Variants in GLRA2 observed in about 807,000 individuals in gnomAD.
The protein encoded by GLRA2 is glycine receptor alpha 2.
A neutral mutation model predicts 31.6 loss-of-function variants in GLRA2; 11 were observed. The observed-to-expected ratio is 0.35, with a 90% CI of 0.22 to 0.58. GLRA2 has a LOEUF of 0.58. Among genes scored for constraint, GLRA2 ranks in the 20% least tolerant of loss-of-function variants. The probability of loss-of-function intolerance (pLI) is 0.84; values close to 1 mark genes in which losing one functional copy is unlikely to be tolerated. For missense variants in GLRA2, 212 were observed against 351.8 expected (o/e 0.60, Z 3.18); for synonymous variants, 132 against 134.0 (o/e 0.99, Z 0.10).
chrX:14,538,103 A>C (rs1296942122), intron 2 of GLRA2, among the ~76,000 whole-genome samples: 1 of 110,006 alleles, frequency 9.1e-6, no homozygotes, highest in Non-Finnish European at 1.9e-5. Context: ...ACCCTGGTAA[A>C]GCATATTGCA....
At chrX:14,469,089 C>G in the GLRA2 span, among the ~76,000 whole-genome samples, 1 of 111,328 alleles carries the variant, frequency 9.0e-6, no homozygotes, top group African/African-American at 3.3e-5. Flanking sequence ...GAGTAGGTTG[C>G]GAAGATTTTC....
intron 4 of GLRA2, among the ~76,000 whole-genome samples, chrX:14,587,681 G>C (rs2090095131): frequency 9.0e-6 from 1 of 111,493 alleles, no homozygotes; most frequent in African/African-American, 3.3e-5. Context: ...ATAGATTCTG[G>C]ATATTAGGCT....
At chrX:14,453,642 T>C in the GLRA2 span, among the ~76,000 whole-genome samples, 1 of 111,972 alleles carries the variant, frequency 8.9e-6, no homozygotes, top group Admixed American at 9.5e-5. Context: ...TTTATAAAAC[T>C]AAACCTGCAA....
In GLRA2 at chrX:14,610,864, T is replaced by C. The variant is rs188701336; in HGVS notation, c.930+1659T>C. Among the ~76,000 whole-genome samples the C allele has an allele frequency of 4.0e-4, 45 of 112,502 alleles. 1 individual carries two copies. In the East Asian group the frequency reaches 0.012, roughly 30 times the overall value. ...TTTATAAAGCTGTTATGATTCTGCA[T>C]CAATGGTCAAAACTATTGCTAAATA... On this transcript the variant is annotated intron_variant, in intron 7 of 8. Coordinates refer to ENST00000218075, the MANE Select transcript of GLRA2 (RefSeq NM_002063.4).
At chrX:14,526,847 C>A (rs1385698654), upstream of GLRA2, among the ~76,000 whole-genome samples, 2 of 111,169 alleles carry the variant, frequency 1.8e-5, no homozygotes, top group African/African-American at 6.6e-5. Context: ...ATTTTCTAAG[C>A]GAGTGTACTG....
chrX:14,682,686 G>A (rs2147170876), intron 7 of GLRA2, among the ~76,000 whole-genome samples: 1 of 108,346 alleles, frequency 9.2e-6, no homozygotes, highest in East Asian at 2.9e-4. Context: ...ATCTCCTAAT[G>A]CTTTCCTTTC....
At chrX:14,480,071 G>C in the GLRA2 span, among the ~76,000 whole-genome samples, 1 of 111,650 alleles carries the variant, frequency 9.0e-6, no homozygotes, top group African/African-American at 3.3e-5. Flanking sequence ...TCTGACTGTT[G>C]TAAGATGATA....
upstream of GLRA2, among the ~76,000 whole-genome samples, chrX:14,528,097 G>C (rs2089202064): frequency 8.9e-6 from 1 of 112,005 alleles, no homozygotes; most frequent in African/African-American, 3.2e-5. Context: ...TTATGAAAGG[G>C]CATATAGACT....
the GLRA2 span, among the ~76,000 whole-genome samples, chrX:14,513,719 C>T: frequency 1.8e-5 from 2 of 111,449 alleles, no homozygotes; most frequent in Non-Finnish European, 3.8e-5. Flanking sequence ...AATGCAATAC[C>T]ACCTTACTCC....
chrX:14,559,259 T>C (rs889646885), intron 2 of GLRA2, among the ~76,000 whole-genome samples: 12 of 111,139 alleles, frequency 1.1e-4, no homozygotes, highest in African/African-American at 3.6e-4. Flanking sequence ...TGTTTTACCC[T>C]TTGCACAAAC....
intron 8 of GLRA2, among the ~76,000 whole-genome samples, chrX:14,712,057 C>T (rs938622871): frequency 1.8e-5 from 2 of 112,764 alleles, no homozygotes; most frequent in African/African-American, 6.4e-5. Flanking sequence ...AAAAAAATGC[C>T]ATCTAGCTTT....
intron 8 of GLRA2, among the ~76,000 whole-genome samples, chrX:14,721,460 G>A (rs1190780940): frequency 2.7e-5 from 3 of 111,173 alleles, no homozygotes; most frequent in Admixed American, 9.6e-5. Flanking sequence ...ATAAGCCCTT[G>A]TTATCTTAGG....
At chrX:14,686,942 T>A (rs950046749) in intron 7 of GLRA2, among the ~76,000 whole-genome samples, 2 of 112,255 alleles carry the variant, frequency 1.8e-5, no homozygotes, top group African/African-American at 6.5e-5. Context: ...TGGCTGGTAC[T>A]AGTTGTTCCT....
the GLRA2 span, among the ~76,000 whole-genome samples, chrX:14,506,769 T>C: frequency 9.0e-6 from 1 of 111,389 alleles, no homozygotes; most frequent in African/African-American, 3.3e-5. Flanking sequence ...ATGAAGACCC[T>C]CTAATTGAGC....
At chrX:14,669,278 A>G (rs2091066498) in intron 7 of GLRA2, among the ~76,000 whole-genome samples, 1 of 111,793 alleles carries the variant, frequency 8.9e-6, no homozygotes, top group Non-Finnish European at 1.9e-5. Flanking sequence ...CCTCCTGGCT[A>G]TTTTCACAGG....
chrX:14,520,830 A>G, the GLRA2 span, among the ~76,000 whole-genome samples: 88 of 112,729 alleles, frequency 7.8e-4, no homozygotes, highest in East Asian at 0.02. Context: ...CTCTATGGAC[A>G]TTGCTGGCCA....
chrX:14,533,156 A>G (rs189969556), intron 2 of GLRA2, among the ~76,000 whole-genome samples: 1 of 110,916 alleles, frequency 9.0e-6, no homozygotes, highest in Admixed American at 9.6e-5. Flanking sequence ...TTTTAAATAC[A>G]TAGTTTAAGT....
the GLRA2 span, among the ~76,000 whole-genome samples, chrX:14,502,854 T>G: frequency 1.2e-5 from 1 of 84,461 alleles, no homozygotes; most frequent in Non-Finnish European, 2.2e-5. Context: ...TTTTAAACAG[T>G]GAAATTACCA....
the GLRA2 span, among the ~76,000 whole-genome samples, chrX:14,514,149 A>T: frequency 9.0e-6 from 1 of 111,057 alleles, no homozygotes; most frequent in Non-Finnish European, 1.9e-5. Flanking sequence ...GAATTAACTC[A>T]GGAATGGAAA....
Sources: gnomAD v4.1 joint callset for allele counts (sites outside exome capture counted in the v4.1 genomes callset) on GRCh38, gnomAD v4.1.1 for gene constraint, MANE v1.5 for transcripts, NCBI Gene and HGNC (gene_info 2026-07-23, HGNC 2026-07-21) for gene names.